The following MYO16 variants were observed in gnomAD, a reference collection of about 807,000 sequenced individuals.
The protein encoded by MYO16 is myosin XVI, also known as unconventional myosin-XVI.
A neutral mutation model predicts 205.3 loss-of-function variants in MYO16; 94 were observed. The ratio of observed to expected loss-of-function variants is 0.46; its 90% confidence interval spans 0.39 to 0.54. The LOEUF (loss-of-function observed/expected upper bound fraction) is 0.54. MYO16 is among the 20% of genes least tolerant of loss of function. The pLI, the probability that MYO16 is intolerant of heterozygous loss-of-function variation, is 0.00. For missense variants in MYO16, 2,315 were observed against 2,387.5 expected (o/e 0.97, Z 0.63); for synonymous variants, 988 against 954.0 (o/e 1.04, Z -0.66).
upstream of MYO16, among the ~76,000 whole-genome samples, chr13:108,628,452 G>T (rs1469167640): frequency 1.3e-5 from 2 of 152,082 alleles, no homozygotes; most frequent in Non-Finnish European, 2.9e-5. Context: ...CTAACCTTCA[G>T]AATAAAGATT....
intron 23 of MYO16, among the ~76,000 whole-genome samples, chr13:109,025,227 T>C (rs1220104680): frequency 2.0e-5 from 3 of 152,158 alleles, no homozygotes; most frequent in East Asian, 1.9e-4. Context: ...CTGGATGATA[T>C]TGGCATCCAG....
At chr13:108,798,277 G>A (rs1461002612) in intron 6 of MYO16, among the ~76,000 whole-genome samples, 2 of 152,206 alleles carry the variant, frequency 1.3e-5, no homozygotes, top group African/African-American at 4.8e-5. Flanking sequence ...TGGAATGCCA[G>A]TTGTGGTTCA....
At chr13:109,100,586 A>G (rs558635986) in intron 27 of MYO16, among the ~76,000 whole-genome samples, 199 bp from the exon 28 acceptor site, 3 of 152,334 alleles carry the variant, frequency 2.0e-5, no homozygotes, top group South Asian at 4.1e-4. Flanking sequence ...ACGCGTTGTA[A>G]AAACCATTTC....
At position 108,973,548 on chromosome 13, in the gene MYO16, CACA is replaced by C. The variant is rs201909260; in HGVS notation, c.2369+8649_2369+8651del. Among the ~76,000 whole-genome samples the C allele has an allele frequency of 5.6e-3, 860 of 152,224 alleles. 25 individuals are homozygous for C. Among genetic ancestry groups the C allele is most frequent in the Non-Finnish European group, 1.3e-3 (88 of 68,020 alleles). On this transcript the variant is annotated intron_variant, in intron 20 of 34. Coordinates refer to ENST00000457511, the MANE Select transcript of MYO16 (RefSeq NM_001198950.3). ...AGATCCAGATTTTCATCAGCACATT[CACA>C]ACGTTGCCCCTGTGTCCCCAAGTCC...
intron 24 of MYO16, among the ~76,000 whole-genome samples, chr13:109,048,108 T>C (rs1316400906): frequency 1.3e-5 from 2 of 151,922 alleles, no homozygotes; most frequent in East Asian, 1.9e-4. Context: ...TATTTAAAAG[T>C]TTACACAATG....
chr13:108,783,186 G>A lies in MYO16; in HGVS notation c.508-2449G>A, dbSNP rs1333690716. Among the ~76,000 whole-genome samples, 6 of 152,252 alleles carry A rather than the reference G, an allele frequency of 3.9e-5. No homozygotes were observed. In the East Asian group the frequency reaches 9.7e-4, roughly 25 times the overall value. ...GAGGCTGAACCCTGCAAAGCCACAG[G>A]GTGGAGCTGCCCAAGACCATGGAAA... On this transcript the variant is annotated intron_variant, in intron 4 of 34. Coordinates refer to ENST00000457511, the MANE Select transcript of MYO16 (RefSeq NM_001198950.3).
intron 32 of MYO16, among the ~76,000 whole-genome samples, chr13:109,151,005 C>T (rs1163560890): frequency 7.9e-5 from 12 of 152,222 alleles, no homozygotes; most frequent in Admixed American, 7.8e-4. Context: ...CAACATGGTG[C>T]ATGGAATATT....
chr13:108,964,115 A>G (rs1594430604), intron 19 of MYO16, among the ~76,000 whole-genome samples: 1 of 152,216 alleles, frequency 6.6e-6, no homozygotes. Flanking sequence ...GGCCAAGGCC[A>G]TAGAATATGA....
chr13:109,105,096 T>C (rs1444507315), intron 28 of MYO16, among the ~76,000 whole-genome samples: 2 of 152,252 alleles, frequency 1.3e-5, no homozygotes, highest in African/African-American at 4.8e-5. Context: ...TGTGCCTGGA[T>C]GCTGGGCCAA....
At chr13:108,880,936 C>G (rs1409288264) in intron 12 of MYO16, among the ~76,000 whole-genome samples, 1 of 152,138 alleles carries the variant, frequency 6.6e-6, no homozygotes, top group Non-Finnish European at 1.5e-5. Context: ...GGCATTGAAT[C>G]TATAAATTAC....
In MYO16 at chr13:109,055,639, A is replaced by G. The variant is rs1342460995; in HGVS notation, c.3335+44A>G. 2 of 1,526,524 alleles carry G rather than the reference A, an allele frequency of 1.3e-6. No individual in the cohort carries two copies. The highest frequency in any genetic ancestry group is 4.5e-5 in the East Asian group (2 of 44,456). 94.6% of individuals were successfully genotyped at this position (1,526,524 alleles called of 1,614,324 possible). On this transcript the variant is annotated intron_variant, in intron 27 of 34. Coordinates refer to ENST00000457511, the MANE Select transcript of MYO16 (RefSeq NM_001198950.3). The surrounding 1 kb of genome is among the most constrained non-coding windows in gnomAD (Gnocchi z 5.0). Reference sequence around the variant, plus strand: ...AAAATCGTCGTTCTCGCTGCTGTTCAGTGCAGTGTACTGACACTGACACTA... The same window carrying G: ...AAAATCGTCGTTCTCGCTGCTGTTCGGTGCAGTGTACTGACACTGACACTA...
At chr13:108,566,254 T>C in the MYO16 span, among the ~76,000 whole-genome samples, 1 of 152,162 alleles carries the variant, frequency 6.6e-6, no homozygotes, top group Non-Finnish European at 1.5e-5. Flanking sequence ...TGAATATTGG[T>C]AGATTGTATG....
chr13:108,794,887 G>T (rs1024327806), intron 6 of MYO16, among the ~76,000 whole-genome samples: 1 of 152,082 alleles, frequency 6.6e-6, no homozygotes. Context: ...ATGGTGTGAG[G>T]TTGAAGACAG....
chr13:108,823,261 C>T lies in MYO16; in HGVS notation c.1080C>T (p.Pro360=), dbSNP rs141132835. Residue 360 remains proline (P), a synonymous_variant, in exon 9 of 35, where the codon CCC becomes CCT. Transcript: ENST00000457511. ...ATGAAGAGATCATTCACGATCTTCC[C>T]GTACTGTCGAGTAAGCTGTAAGTGT... ...EPYEEIIHDL[P]VLSSKLSPLV... is the part of the protein sequence containing the mutation. 174 of 1,610,522 alleles carry T rather than the reference C, an allele frequency of 1.1e-4. No individual in the cohort carries two copies. In the African/African-American group the frequency reaches 1.4e-3, roughly 13 times the overall value.
At chr13:108,754,243 C>T (rs1885347555) in intron 4 of MYO16, among the ~76,000 whole-genome samples, 1 of 152,044 alleles carries the variant, frequency 6.6e-6, no homozygotes, top group East Asian at 1.9e-4. Flanking sequence ...CAAGCTGTAG[C>T]ATGCAGGACA....
chr13:108,769,004 G>A (rs1264690550), intron 4 of MYO16, among the ~76,000 whole-genome samples: 1 of 152,068 alleles, frequency 6.6e-6, no homozygotes, highest in Non-Finnish European at 1.5e-5. Context: ...ATATAAATAT[G>A]TTAGTTAATA....
Position 109,170,762 on chromosome 13 carries a change from A to T in MYO16, c.5323+5703A>T, listed in dbSNP as rs17778975. 0.012 allele frequency among the ~76,000 whole-genome samples: 1,829 copies of T among 152,238 alleles called. 204 individuals are homozygous for T. The East Asian group carries it at 0.26, about 22-fold the overall frequency. On this transcript the variant is annotated intron_variant, in intron 33 of 34. Coordinates refer to ENST00000457511, the MANE Select transcript of MYO16 (RefSeq NM_001198950.3). ...AGAAACCCTCTAGACCAAAATGGAG[A>T]TGTTTGTGAAATAGGATCCATGAAA...
Position 108,841,643 on chromosome 13 carries a change from T to C in MYO16, c.1098-2700T>C, listed in dbSNP as rs1877249574. ...GAGCTTATCTGATAAATGAGTTGGATACAGAATATATAAAGTCAATAATCT... is the reference window on the plus strand; with the variant it reads ...GAGCTTATCTGATAAATGAGTTGGACACAGAATATATAAAGTCAATAATCT... On this transcript the variant is annotated intron_variant, in intron 9 of 34. Coordinates refer to ENST00000457511, the MANE Select transcript of MYO16 (RefSeq NM_001198950.3). Among the ~76,000 whole-genome samples, 2 of 152,216 alleles carry C rather than the reference T, an allele frequency of 1.3e-5. 1 individual carries two copies. The highest frequency in any genetic ancestry group is 4.2e-4 in the South Asian group (2 of 4,816).
At chr13:109,095,987 T>C (rs1888764596) in intron 27 of MYO16, among the ~76,000 whole-genome samples, 1 of 152,204 alleles carries the variant, frequency 6.6e-6, no homozygotes, top group Non-Finnish European at 1.5e-5. Flanking sequence ...TTAGTTGTCA[T>C]CAAAACTGTA....
Sources: allele counts gnomAD v4.1 joint callset (sites outside exome capture counted in the v4.1 genomes callset), GRCh38; gene constraint gnomAD v4.1.1; non-coding constraint Gnocchi (gnomAD v3.1); transcripts MANE v1.5; gene names NCBI Gene and HGNC (gene_info 2026-07-23, HGNC 2026-07-21).